LYPD3: variants seen among roughly 807,000 people sequenced by gnomAD.
LYPD3 encodes the protein LY6/PLAUR domain containing 3, also known as ly6/PLAUR domain-containing protein 3.
A neutral mutation model predicts 21.7 loss-of-function variants in LYPD3; 22 were observed. That is an observed-to-expected ratio of 1.01 (90% CI 0.72 to 1.45). The LOEUF (loss-of-function observed/expected upper bound fraction) is 1.45, where lower values mean the gene tolerates loss of function less well. LYPD3 is among the 40% of genes most tolerant of loss of function. The pLI is 0.00. For synonymous variants in LYPD3, 179 were observed against 203.0 expected (o/e 0.88, Z 1.00); for missense variants, 471 against 466.9 (o/e 1.01, Z -0.08).
chr19:43,461,730 C>T lies in LYPD3; in HGVS notation c.662G>A (p.Cys221Tyr), dbSNP rs766706007. 6.2e-7 allele frequency: 1 copy of T among 1,614,152 alleles called. No individual in the cohort carries two copies. Among genetic ancestry groups the T allele is most frequent in the South Asian group, 1.1e-5 (1 of 91,084 alleles). Residue 221 changes from cysteine (C) to tyrosine (Y), a missense_variant, in exon 5 of 5, where the codon TGT becomes TAT. Transcript: ENST00000244333. ...LSGSCCQGSR[C>Y]NSDLRNKTYF... is the part of the protein sequence containing the mutation. ...GGTCTTGTTGCGGAGGTCAGAGTTACAGCGGGACCCCTGGCAACAGGAGCC... is the reference window on the plus strand; with the variant it reads ...GGTCTTGTTGCGGAGGTCAGAGTTATAGCGGGACCCCTGGCAACAGGAGCC...
At chr19:43,462,373 A>G (rs1970782978) in intron 4 of LYPD3, among the ~76,000 whole-genome samples, 1 of 152,116 alleles carries the variant, frequency 6.6e-6, no homozygotes, top group Admixed American at 6.6e-5. Context: ...TCAGAGTTAC[A>G]TCTCCACACC....
chr19:43,465,341 G>T, intron 1 of LYPD3, 152 bp downstream of exon 1: 3 of 852,724 alleles, frequency 3.5e-6, no homozygotes, highest in Non-Finnish European at 5.4e-6. Context: ...CCTTCCCTCT[G>T]CCTCCCTTGC....
Position 43,463,299 on chromosome 19 carries a change from G to T in LYPD3, c.383-12C>A. ...TGCACTCTCATTACCTGCGAGGGGA[G>T]CCGAGAGGAAGAAAAGGTGTCGAAA... On this transcript the variant is annotated splice_polypyrimidine_tract_variant and intron_variant, in intron 3 of 4. Transcript: ENST00000244333. 1 of 1,600,060 alleles carries T rather than the reference G, an allele frequency of 6.2e-7. No individual in the cohort carries two copies. The highest frequency in any genetic ancestry group is 8.5e-7 in the Non-Finnish European group (1 of 1,179,594).
chr19:43,465,444 C>T, intron 1 of LYPD3, 49 bp downstream of exon 1: 1 of 1,590,804 alleles, frequency 6.3e-7, no homozygotes, highest in African/African-American at 1.3e-5. Context: ...AGCCTCCTCC[C>T]TAAGAGCCCC....
chr19:43,463,763 C>G lies in LYPD3; in HGVS notation c.218G>C (p.Gly73Ala). ...ACCCCGCACTGCCAGCGAGAATTGT[C>G]CGTGGACTAGGGAGAGGGACAAGGG... ...EAVGAVETIH[G>A]QFSLAVRGCG... The change falls in exon 3 of 5, where the codon GGA becomes GCA. Residue 73 changes from glycine to alanine, a missense_variant. Physicochemically the swap from Gly to Ala is moderately conservative, Grantham distance 60. Transcript: ENST00000244333. 6.2e-7 allele frequency: 1 copy of G among 1,613,038 alleles called. No homozygotes were observed. Among genetic ancestry groups the G allele is most frequent in the Non-Finnish European group, 8.5e-7 (1 of 1,180,014 alleles).
chr19:43,463,077 G>A, intron 4 of LYPD3, 49 bp downstream of exon 4: 2 of 1,599,656 alleles, frequency 1.3e-6, no homozygotes, highest in Non-Finnish European at 1.7e-6. Flanking sequence ...GGGTGCTTCA[G>A]AAGGGCTACC....
rs780802589 is a variant in LYPD3, at chr19:43,464,372, G to T, written c.164C>A (p.Ala55Glu). Residue 55 changes from alanine (A) to glutamate (E), a missense_variant, in exon 2 of 5, where the codon GCG becomes GAG. Coordinates refer to ENST00000244333, the MANE Select transcript of LYPD3 (RefSeq NM_014400.3). ...SPNKMKTVKCAPGVDVCTEAV... is the reference protein window; with the variant it reads ...SPNKMKTVKCEPGVDVCTEAV... Reference sequence around the variant, plus strand: ...CTCGGTGCAGACGTCCACGCCCGGCGCGCACTTCACTGTCTTCATCTTGTT... The same window carrying T: ...CTCGGTGCAGACGTCCACGCCCGGCTCGCACTTCACTGTCTTCATCTTGTT... 6.2e-7 allele frequency: 1 copy of T among 1,613,848 alleles called. No individual in the cohort carries two copies. Among genetic ancestry groups the T allele is most frequent in the Non-Finnish European group, 8.5e-7 (1 of 1,179,944 alleles).
In LYPD3 at chr19:43,464,460, G is replaced by A; in HGVS notation, c.80-4C>T. ...TAGCACTCCAGGGCCTGCGCTCCTG[G>A]GGGAGCGGAGCCGAATAGACCTGAG... On this transcript the variant is annotated splice_region_variant and splice_polypyrimidine_tract_variant and intron_variant, in intron 1 of 4. Coordinates refer to ENST00000244333, the MANE Select transcript of LYPD3 (RefSeq NM_014400.3). The A allele has an allele frequency of 6.2e-7, 1 of 1,613,952 alleles. No homozygotes were observed. Among genetic ancestry groups the A allele is most frequent in the Non-Finnish European group, 8.5e-7 (1 of 1,180,012 alleles).
chr19:43,465,387 C>T (rs1970813534), intron 1 of LYPD3, 106 bp downstream of exon 1: 2 of 1,321,444 alleles, frequency 1.5e-6, no homozygotes, highest in Non-Finnish European at 1.0e-6. Context: ...GTGCCCTCTG[C>T]TTATGTGGGG....
intron 3 of LYPD3, 93 bp from the exon 4 acceptor site, chr19:43,463,380 A>C (rs761596976): frequency 4.8e-6 from 7 of 1,451,668 alleles, no homozygotes; most frequent in Non-Finnish European, 5.6e-6. Context: ...TGGCCCCGGC[A>C]CTATCGATGA....
chr19:43,463,810 T>C (rs1257605546), intron 2 of LYPD3, 41 bp from the exon 3 acceptor site: 4 of 1,601,982 alleles, frequency 2.5e-6, no homozygotes, highest in Admixed American at 3.3e-5. Flanking sequence ...GTGGGCGTGG[T>C]CTCAGATGGG....
rs1360910604 is a variant in LYPD3 at position 43,465,492 on chromosome 19, C to A, written c.79+1G>T. 3 of 1,608,938 alleles carry A rather than the reference C, an allele frequency of 1.9e-6. No homozygotes were observed. Among genetic ancestry groups the A allele is most frequent in the Non-Finnish European group, 2.5e-6 (3 of 1,179,954 alleles). On this transcript the variant is annotated splice_donor_variant, in intron 1 of 4. Coordinates refer to ENST00000244333, the MANE Select transcript of LYPD3 (RefSeq NM_014400.3). LOFTEE classifies it high-confidence loss of function. ...TCCACCTCTCCGGGCAGCAGACCCACCTCCGCGAAGCAGCAGCAGCAGCAG... is the reference window on the plus strand; with the variant it reads ...TCCACCTCTCCGGGCAGCAGACCCAACTCCGCGAAGCAGCAGCAGCAGCAG...
chr19:43,465,509 C>CAGA lies in LYPD3; in HGVS notation c.62_63insTCT (p.Leu24dup). The CAGA allele has an allele frequency of 6.2e-7, 1 of 1,609,964 alleles. No individual in the cohort carries two copies. On this transcript the variant is annotated inframe_insertion, in exon 1 of 5. Transcript: ENST00000244333. Reference sequence around the variant, plus strand: ...CAGACCCACCTCCGCGAAGCAGCAGCAGCAGCAGCCAGCCTGCAGTCCAGA... The same window carrying CAGA: ...CAGACCCACCTCCGCGAAGCAGCAGCAGAAGCAGCAGCCAGCCTGCAGTCCAGA...
rs1278609999 is a variant in LYPD3 at position 43,461,403 on chromosome 19, G to T, written c.989C>A (p.Thr330Lys). 11 of 1,612,330 alleles carry T rather than the reference G, an allele frequency of 6.8e-6. No individual in the cohort carries two copies. The highest frequency in any genetic ancestry group is 1.7e-5 in the Admixed American group (1 of 59,928). The change falls in exon 5 of 5, where the codon ACA (threonine) becomes AAA (lysine). Residue 330 changes from threonine (T) to lysine (K), a missense_variant. Physicochemically the swap from Thr to Lys is moderately conservative, Grantham distance 78. Transcript: ENST00000244333. ...CAACAGAAGGGCTGCCAATCCAGCTGTGGGAGCCACACAGCCTTTATTATG... is the reference window on the plus strand; with the variant it reads ...CAACAGAAGGGCTGCCAATCCAGCTTTGGGAGCCACACAGCCTTTATTATG... ...QPHNKGCVAP[T>K]AGLAALLLAV...
chr19:43,465,598 C>A lies in LYPD3; in HGVS notation c.-27G>T, dbSNP rs746786194. On this transcript the variant is annotated 5_prime_UTR_variant, in exon 1 of 5. Coordinates refer to ENST00000244333, the MANE Select transcript of LYPD3 (RefSeq NM_014400.3). ...GCTCCGTCCTGCTCCCTTGGCGTCCCCCCTGGATGTGCCGCCTCCGAGCTC... is the reference window on the plus strand; with the variant it reads ...GCTCCGTCCTGCTCCCTTGGCGTCCACCCTGGATGTGCCGCCTCCGAGCTC... 4 of 1,602,368 alleles carry A rather than the reference C, an allele frequency of 2.5e-6. No individual in the cohort carries two copies. The highest frequency in any genetic ancestry group is 3.4e-6 in the Non-Finnish European group (4 of 1,176,724).
At chr19:43,464,245 A>G (rs937631418) in intron 2 of LYPD3, 80 bp downstream of exon 2, 1 of 1,521,448 alleles carries the variant, frequency 6.6e-7, no homozygotes, top group Non-Finnish European at 8.8e-7. Context: ...GCGTGGCCAG[A>G]TCCAGAAAGG....
At chr19:43,464,922 TTTTCTTTTTTTC>T in intron 1 of LYPD3, among the ~76,000 whole-genome samples, 1 of 96,972 alleles carries the variant, frequency 1.0e-5, no homozygotes, top group Non-Finnish European at 2.0e-5. Context: ...TTTTTTCTTT[TTTTCTTTTTTTC>T]TTTTTTTTTT....
At position 43,461,450 on chromosome 19, in the gene LYPD3, T is replaced by C. The variant is rs761017788; in HGVS notation, c.942A>G (p.Ala314=). The change falls in exon 5 of 5, where the codon GCA becomes GCG. Residue 314 remains alanine (A), a synonymous_variant. Coordinates refer to ENST00000244333, the MANE Select transcript of LYPD3 (RefSeq NM_014400.3). The part of the protein sequence containing the change: ...QDRSNSGQYP[A]KGGPQQPHNK... ...TATGGGGCTGCTGGGGCCCCCCTTTTGCAGGATACTGCCCTGAATTGCTGC... is the reference window on the plus strand; with the variant it reads ...TATGGGGCTGCTGGGGCCCCCCTTTCGCAGGATACTGCCCTGAATTGCTGC... The C allele has an allele frequency of 1.2e-6, 2 of 1,614,150 alleles. No individual in the cohort carries two copies.
At chr19:43,464,244 G>T (rs907171813) in intron 2 of LYPD3, 81 bp downstream of exon 2, 1 of 1,518,776 alleles carries the variant, frequency 6.6e-7, no homozygotes, top group Non-Finnish European at 8.8e-7. Context: ...GGCGTGGCCA[G>T]ATCCAGAAAG....
Sources: allele counts gnomAD v4.1 joint callset (sites outside exome capture counted in the v4.1 genomes callset), GRCh38; gene constraint gnomAD v4.1.1; transcripts MANE v1.5; gene names NCBI Gene and HGNC (gene_info 2026-07-23, HGNC 2026-07-21).